USP34: variants seen among roughly 807,000 people sequenced by gnomAD.
The protein encoded by USP34 is ubiquitin carboxyl-terminal hydrolase 34.
Under a neutral mutation model 460.3 loss-of-function variants are expected in USP34, and 70 were observed. The observed-to-expected ratio is 0.15, with a 90% CI of 0.13 to 0.19. USP34 has a LOEUF of 0.19. USP34 is among the 10% of genes least tolerant of loss of function. USP34 has a pLI of 1.00. For synonymous variants in USP34, 1,647 were observed against 1,405.3 expected, an observed-to-expected ratio of 1.17 and a Z score of -3.85; for missense variants, 3,985 against 4,236.2, an observed-to-expected ratio of 0.94 and a Z score of 1.65.
rs747678367 is a variant in USP34 at position 61,248,500 on chromosome 2, G to GA, written c.6394+10dup. On this transcript the variant is annotated intron_variant, in intron 49 of 79. Transcript: ENST00000398571. The stretch of plus-strand genomic sequence containing the variant: ...ATAATCACAGACAAGAGAAAGAAAT[G>GA]AAAAAATCACCTTCTTTCCTCTCAC... 18 of 1,542,228 alleles carry GA rather than the reference G, an allele frequency of 1.2e-5. No homozygotes were observed. The East Asian group carries it at 2.1e-4, about 18-fold the overall frequency.
At chr2:61,441,659 C>G (rs1311958513) in intron 1 of USP34, among the ~76,000 whole-genome samples, 1 of 151,654 alleles carries the variant, frequency 6.6e-6, no homozygotes, top group African/African-American at 2.4e-5. Flanking sequence ...AAAAAATTAA[C>G]CAGGCATCTT....
chr2:61,395,388 G>C (rs1693485891), intron 3 of USP34, among the ~76,000 whole-genome samples, 155 bp from the exon 4 acceptor site: 1 of 152,164 alleles, frequency 6.6e-6, no homozygotes, highest in Non-Finnish European at 1.5e-5. Flanking sequence ...GAAGCTAATA[G>C]GATTCAGCTC....
chr2:61,307,644 G>C (rs1052529597), intron 27 of USP34, among the ~76,000 whole-genome samples: 1 of 151,810 alleles, frequency 6.6e-6, no homozygotes, highest in Non-Finnish European at 1.5e-5. Flanking sequence ...CAACAATGAA[G>C]GCAAAATAAA....
chr2:61,427,107 A>T (rs1038537360), intron 1 of USP34, among the ~76,000 whole-genome samples: 28 of 152,204 alleles, frequency 1.8e-4, no homozygotes, highest in Non-Finnish European at 3.5e-4. Context: ...GGCTTACTGC[A>T]AGCTCTGCCT....
At chr2:61,421,740 G>T (rs1165877811) in intron 1 of USP34, among the ~76,000 whole-genome samples, 2 of 151,902 alleles carry the variant, frequency 1.3e-5, no homozygotes, top group Non-Finnish European at 2.9e-5. Flanking sequence ...TAAGTTTCCT[G>T]TACCAAATAT....
At chr2:61,362,826 T>C (rs1692314880) in intron 10 of USP34, among the ~76,000 whole-genome samples, 1 of 152,228 alleles carries the variant, frequency 6.6e-6, no homozygotes, top group Non-Finnish European at 1.5e-5. Context: ...TATTTCACAC[T>C]ATGCACATTA....
intron 3 of USP34, among the ~76,000 whole-genome samples, chr2:61,398,445 A>AAAGTGGGGGAAGGACGGAG (rs1164700424): frequency 9.1e-6 from 1 of 109,468 alleles, no homozygotes; most frequent in Admixed American, 1.1e-4. Context: ...GGAGGAGGGG[A>AAAGTGGGGGAAGGACGGAG]AAGTGGGGGA....
intron 29 of USP34, 25 bp from the exon 30 acceptor site, chr2:61,296,950 T>C (rs1690047117): frequency 1.3e-6 from 2 of 1,587,046 alleles, no homozygotes; most frequent in South Asian, 1.2e-5. Flanking sequence ...ACAACTACTT[T>C]ATCAAAACAG....
chr2:61,340,242 T>C (rs1278963229), intron 16 of USP34, among the ~76,000 whole-genome samples: 1 of 152,180 alleles, frequency 6.6e-6, no homozygotes, highest in African/African-American at 2.4e-5. Flanking sequence ...TGGAGATAAT[T>C]TACCCTTAAC....
At chr2:61,358,939 A>G (rs1692189994) in intron 10 of USP34, among the ~76,000 whole-genome samples, 1 of 152,212 alleles carries the variant, frequency 6.6e-6, no homozygotes, top group South Asian at 2.1e-4. Flanking sequence ...AAAACTACAA[A>G]ACATTGCTAA....
chr2:61,199,316 C>T (rs1686900970), intron 75 of USP34, among the ~76,000 whole-genome samples: 2 of 151,930 alleles, frequency 1.3e-5, no homozygotes, highest in Admixed American at 1.3e-4. Flanking sequence ...AGTGCAATGG[C>T]GCCATCTCGG....
chr2:61,320,909 A>G (rs1690898791), intron 21 of USP34, among the ~76,000 whole-genome samples: 1 of 151,460 alleles, frequency 6.6e-6, no homozygotes, highest in African/African-American at 2.4e-5. Context: ...ACTCGGGAGG[A>G]TAAGGCACGA....
chr2:61,419,734 G>C (rs1694303303), intron 2 of USP34, among the ~76,000 whole-genome samples: 1 of 152,090 alleles, frequency 6.6e-6, no homozygotes, highest in Non-Finnish European at 1.5e-5. Context: ...TCAAGATTAT[G>C]ACTCAGACAC....
intron 27 of USP34, among the ~76,000 whole-genome samples, chr2:61,304,658 G>A (rs144575265): frequency 1.3e-5 from 2 of 152,282 alleles, no homozygotes; most frequent in African/African-American, 4.8e-5. Context: ...TGAATCTGCT[G>A]GCACCTTGAT....
intron 2 of USP34, among the ~76,000 whole-genome samples, chr2:61,417,719 C>CTTTTTTTTTTTTTTTTTTTTTT (rs201901250): frequency 1.5e-5 from 2 of 130,774 alleles, no homozygotes; most frequent in Non-Finnish European, 3.2e-5. Context: ...ATACTAAAAT[C>CTTTTTTTTTTTTTTTTTTTTTT]TTTTTTTTTT....
At chr2:61,427,388 A>G (rs912796656) in intron 1 of USP34, among the ~76,000 whole-genome samples, 1 of 152,220 alleles carries the variant, frequency 6.6e-6, no homozygotes, top group East Asian at 1.9e-4. Context: ...ATAAGGCCAG[A>G]CAGTGAAGAC....
rs117881058 is a variant in USP34, at chr2:61,359,523, T to C, written c.1252-8830A>G. ...GATAAGGATTGTAATCTTCATGACA[T>C]TGGATTTGAAAATTATTTCTTGGGT... On this transcript the variant is annotated intron_variant, in intron 10 of 79. Transcript: ENST00000398571. Among the ~76,000 whole-genome samples, 192 of 152,302 alleles carry C rather than the reference T, an allele frequency of 1.3e-3. 2 individuals are homozygous for C. Among genetic ancestry groups the C allele is most frequent in the East Asian group, 9.7e-3 (50 of 5,178 alleles).
intron 41 of USP34, among the ~76,000 whole-genome samples, chr2:61,276,466 C>A (rs1689375642): frequency 6.6e-6 from 1 of 152,004 alleles, no homozygotes; most frequent in African/African-American, 2.4e-5. Flanking sequence ...TGTAAAATTT[C>A]TATAAATATG....
chr2:61,276,936 G>GT (rs1689390442), intron 41 of USP34, among the ~76,000 whole-genome samples: 1 of 152,138 alleles, frequency 6.6e-6, no homozygotes. Context: ...TAACTTTAAG[G>GT]TAACAGCTCT....
Sources: gnomAD v4.1 joint callset for allele counts (sites outside exome capture counted in the v4.1 genomes callset) on GRCh38, gnomAD v4.1.1 for gene constraint, MANE v1.5 for transcripts, NCBI Gene and HGNC (gene_info 2026-07-23, HGNC 2026-07-21) for gene names.